Variants in SYNE2 observed in about 807,000 individuals in gnomAD.
SYNE2 encodes spectrin repeat containing nuclear envelope protein 2.
SYNE2 carries 431 observed loss-of-function variants against 856.3 expected under a neutral mutation model. The observed-to-expected ratio is 0.50, with a 90% CI of 0.47 to 0.55. The LOEUF (loss-of-function observed/expected upper bound fraction) is 0.55, where lower values mean the gene tolerates loss of function less well. Ranked by LOEUF, SYNE2 falls within the 20% of genes least tolerant of loss-of-function variation. The pLI is 0.00. For missense variants in SYNE2, 8,129 were observed against 8,023.2 expected (o/e 1.01, Z -0.50); for synonymous variants, 2,923 against 2,872.3 (o/e 1.02, Z -0.56).
chr14:64,163,588 C>G lies in SYNE2; in HGVS notation c.16479+7C>G. Reference sequence around the variant, plus strand: ...GAAAGCAAATGAATTTGAGGTTCATCTTTTCTTTCCATTCAAGTTTTAGTC... The same window carrying G: ...GAAAGCAAATGAATTTGAGGTTCATGTTTTCTTTCCATTCAAGTTTTAGTC... On this transcript the variant is annotated splice_region_variant and intron_variant, in intron 89 of 115. Coordinates refer to ENST00000555002, the MANE Select transcript of SYNE2 (RefSeq NM_182914.3). The G allele has an allele frequency of 6.2e-7, 1 of 1,613,982 alleles. No homozygotes were observed. The highest frequency in any genetic ancestry group is 8.5e-7 in the Non-Finnish European group (1 of 1,180,016).
intron 66 of SYNE2, among the ~76,000 whole-genome samples, chr14:64,117,382 C>A (rs2097860560): frequency 6.6e-6 from 1 of 152,176 alleles, no homozygotes; most frequent in Non-Finnish European, 1.5e-5. Flanking sequence ...TCACTGCAGC[C>A]TTGACCTGAC....
intron 85 of SYNE2, among the ~76,000 whole-genome samples, chr14:64,154,229 A>AGGT (rs954577436): frequency 3.3e-5 from 5 of 151,912 alleles, no homozygotes; most frequent in African/African-American, 1.2e-4. Context: ...AAGAAAACAC[A>AGGT]GGTGTAAATC....
chr14:63,948,739 G>T (rs1270052), intron 6 of SYNE2, among the ~76,000 whole-genome samples: 73,877 of 101,926 alleles, frequency 0.72, 26,854 homozygotes, highest in South Asian at 0.78. Context: ...TATGTGTATA[G>T]ATATGTGTGT....
intron 65 of SYNE2, among the ~76,000 whole-genome samples, chr14:64,112,195 A>G (rs1301601965): frequency 1.3e-5 from 2 of 152,218 alleles, no homozygotes; most frequent in Non-Finnish European, 2.9e-5. Context: ...TTCCGTAAAC[A>G]TTGAAGAATG....
intron 61 of SYNE2, 43 bp from the exon 62 acceptor site, chr14:64,097,906 G>A (rs1486351568): frequency 1.2e-6 from 2 of 1,602,144 alleles, no homozygotes; most frequent in African/African-American, 1.3e-5. Context: ...GCCTGCAGAG[G>A]CCTCAGACTT....
intron 1 of SYNE2, among the ~76,000 whole-genome samples, chr14:63,830,808 C>T (rs1431449346): frequency 2.0e-5 from 3 of 150,370 alleles, no homozygotes; most frequent in East Asian, 3.9e-4. Context: ...GCCTATTTCT[C>T]ACCACCAATC....
chr14:63,761,832 G>A (rs528628403), upstream of SYNE2, among the ~76,000 whole-genome samples: 1 of 152,172 alleles, frequency 6.6e-6, no homozygotes, highest in Non-Finnish European at 1.5e-5. Flanking sequence ...CAGTGAAAGT[G>A]TTCAGGACAT....
intron 95 of SYNE2, among the ~76,000 whole-genome samples, chr14:64,176,862 A>G (rs1180366955): frequency 6.6e-6 from 1 of 151,796 alleles, no homozygotes; most frequent in Non-Finnish European, 1.5e-5. Context: ...CAGTGGTGCA[A>G]TCTTGGCTCA....
intron 51 of SYNE2, 61 bp downstream of exon 51, chr14:64,065,711 T>C: frequency 6.4e-7 from 1 of 1,568,900 alleles, no homozygotes. Flanking sequence ...ATTGTTTTAT[T>C]ACTTTCACCT....
chr14:64,221,820 G>A (rs2098695639), intron 112 of SYNE2, 116 bp downstream of exon 112: 2 of 1,238,610 alleles, frequency 1.6e-6, no homozygotes, highest in Non-Finnish European at 1.2e-6. Context: ...GTGTTTGCCT[G>A]TAAATGCACG....
intron 1 of SYNE2, among the ~76,000 whole-genome samples, chr14:63,818,975 G>A (rs1212741891): frequency 1.3e-5 from 2 of 151,874 alleles, no homozygotes; most frequent in Non-Finnish European, 2.9e-5. Flanking sequence ...TGGGATTACA[G>A]GCGTGAGCCA....
upstream of SYNE2, among the ~76,000 whole-genome samples, chr14:63,849,256 G>A (rs920300450): frequency 5.0e-5 from 7 of 140,120 alleles, no homozygotes; most frequent in Non-Finnish European, 9.1e-5. Context: ...TTAGCACTAA[G>A]TTAATCTCCT....
intron 11 of SYNE2, among the ~76,000 whole-genome samples, chr14:63,970,323 A>G (rs1395955193): frequency 6.6e-6 from 1 of 152,098 alleles, no homozygotes; most frequent in Non-Finnish European, 1.5e-5. Context: ...CAAGTAGCTG[A>G]GACAACTGGT....
At chr14:64,113,234 C>T in intron 65 of SYNE2, 107 bp from the exon 66 acceptor site, 2 of 1,589,372 alleles carry the variant, frequency 1.3e-6, no homozygotes, top group Non-Finnish European at 1.7e-6. Context: ...CTTCTTCTGT[C>T]CTGATTTTGT....
At chr14:64,144,899 T>C (rs2098168635) in intron 83 of SYNE2, among the ~76,000 whole-genome samples, 1 of 151,556 alleles carries the variant, frequency 6.6e-6, no homozygotes, top group Non-Finnish European at 1.5e-5. Context: ...TATACTGTAT[T>C]AATTTGATGA....
intron 85 of SYNE2, among the ~76,000 whole-genome samples, chr14:64,153,297 G>A (rs1032004987): frequency 3.9e-5 from 6 of 152,178 alleles, no homozygotes; most frequent in Non-Finnish European, 7.4e-5. Context: ...AAAAGAGAGC[G>A]AGCTCAGGCA....
rs192230449 is a variant in SYNE2, at chr14:64,221,991, T to C, written c.20190+287T>C. Among the ~76,000 whole-genome samples, 461 of 152,342 alleles carry C rather than the reference T, an allele frequency of 3.0e-3. 3 individuals carry two copies. The highest frequency in any genetic ancestry group is 5.5e-3 in the Non-Finnish European group (375 of 68,024). Reference sequence around the variant, plus strand: ...TTAAGGCCATTTGAGTGGAAGTATTTTTCTCTCGTGAATCCTGCTCATTGG... The same window carrying C: ...TTAAGGCCATTTGAGTGGAAGTATTCTTCTCTCGTGAATCCTGCTCATTGG... On this transcript the variant is annotated intron_variant, in intron 112 of 115. Coordinates refer to ENST00000555002, the MANE Select transcript of SYNE2 (RefSeq NM_182914.3).
intron 1 of SYNE2, among the ~76,000 whole-genome samples, chr14:63,815,272 A>C (rs12881182): frequency 0.62 from 76,278 of 122,170 alleles, 25,703 homozygotes; most frequent in South Asian, 0.77. Flanking sequence ...GAGTTTATTA[A>C]GGTGTATTAA....
Position 64,133,061 on chromosome 14 carries a change from C to T in SYNE2, c.14514+623C>T, listed in dbSNP as rs928252520. Among the ~76,000 whole-genome samples the T allele has an allele frequency of 4.0e-5, 6 of 151,884 alleles. No homozygotes were observed. The East Asian group carries it at 5.8e-4, about 15-fold the overall frequency. ...ACTAAAAATACAAAAAAAAAATTAG[C>T]TGGGCGTGGTGGTGGGCGCCTGTAG... On this transcript the variant is annotated intron_variant, in intron 77 of 115. Transcript: ENST00000555002.
Sources: gnomAD v4.1 joint callset for allele counts (sites outside exome capture counted in the v4.1 genomes callset) on GRCh38, gnomAD v4.1.1 for gene constraint, MANE v1.5 for transcripts, NCBI Gene and HGNC (gene_info 2026-07-23, HGNC 2026-07-21) for gene names.